The following ATXN7 variants were observed in gnomAD, a reference collection of about 807,000 sequenced individuals.
The protein encoded by ATXN7 is ataxin-7.
ATXN7 carries 12 observed loss-of-function variants against 70.5 expected under a neutral mutation model. The observed-to-expected ratio is 0.17, with a 90% confidence interval of 0.11 to 0.28. ATXN7 has a LOEUF of 0.28. Ranked by LOEUF, ATXN7 falls within the 10% of genes least tolerant of loss-of-function variation. The pLI, the probability that ATXN7 is intolerant of heterozygous loss-of-function variation, is 1.00. For missense variants in ATXN7, 1,256 were observed against 1,131.7 expected (o/e 1.11, Z -1.58); for synonymous variants, 498 against 448.7 (o/e 1.11, Z -1.39).
At chr3:63,968,228 G>A in intron 5 of ATXN7, 3 of 430,020 alleles carry the variant, frequency 7.0e-6, no homozygotes. Flanking sequence ...CGCAGCCACA[G>A]GGATTAGCTG....
At chr3:63,941,573 T>C (rs1012396768) in intron 4 of ATXN7, among the ~76,000 whole-genome samples, 17 of 152,158 alleles carry the variant, frequency 1.1e-4, no homozygotes, top group African/African-American at 1.9e-4. Flanking sequence ...GCCAGAAAGG[T>C]TGGGGACTGC....
chr3:63,871,955 C>A (rs1170574458), intron 1 of ATXN7, among the ~76,000 whole-genome samples: 1 of 151,718 alleles, frequency 6.6e-6, no homozygotes, highest in Non-Finnish European at 1.5e-5. Flanking sequence ...ATTCAACTCA[C>A]CTTTATTTGC....
rs139423433 is a variant in ATXN7, at chr3:63,952,654, A to G, written c.499+171A>G. ...ACTATCAGATGTTGGGTATTTTTAA[A>G]TTTTTATTAAAAGTGATAGGAATTT... On this transcript the variant is annotated intron_variant, in intron 5 of 12. Transcript: ENST00000674280. 3.3e-3 allele frequency among the ~76,000 whole-genome samples: 506 copies of G among 152,220 alleles called. 2 individuals are homozygous for G. Among genetic ancestry groups the G allele is most frequent in the African/African-American group, 0.011 (456 of 41,538 alleles).
intron 4 of ATXN7, among the ~76,000 whole-genome samples, chr3:63,947,173 G>T (rs754245757): frequency 1.3e-5 from 2 of 152,206 alleles, no homozygotes; most frequent in African/African-American, 4.8e-5. Flanking sequence ...CAAACATTGA[G>T]TGAGCACTTC....
At chr3:63,939,559 T>G (rs2074720493) in intron 4 of ATXN7, among the ~76,000 whole-genome samples, 1 of 152,204 alleles carries the variant, frequency 6.6e-6, no homozygotes, top group African/African-American at 2.4e-5. Context: ...TGCTCTGCCA[T>G]AAAAGCAATA....
At chr3:63,993,896 T>C (rs908463617) in intron 11 of ATXN7, among the ~76,000 whole-genome samples, 4 of 152,184 alleles carry the variant, frequency 2.6e-5, no homozygotes, top group African/African-American at 9.6e-5. Context: ...AGGGGCCTTG[T>C]TGCCATGCAG....
At chr3:63,931,951 G>A (rs996590713) in intron 4 of ATXN7, among the ~76,000 whole-genome samples, 16 of 152,210 alleles carry the variant, frequency 1.1e-4, no homozygotes, top group Non-Finnish European at 1.8e-4. Flanking sequence ...TGAGCAATGG[G>A]AGGTCCTTGC....
intron 11 of ATXN7, among the ~76,000 whole-genome samples, chr3:63,991,695 G>A (rs2075674147): frequency 1.3e-5 from 2 of 152,104 alleles, no homozygotes; most frequent in Admixed American, 1.3e-4. Flanking sequence ...TTAGGTAGAG[G>A]AGCCATGTGC....
intron 8 of ATXN7, among the ~76,000 whole-genome samples, chr3:63,987,449 A>G (rs2075596044): frequency 6.6e-6 from 1 of 151,922 alleles, no homozygotes; most frequent in South Asian, 2.1e-4. Context: ...TGTTCATAGC[A>G]TTTCTTCTCA....
At chr3:63,899,472 A>T (rs909518703) in intron 2 of ATXN7, among the ~76,000 whole-genome samples, 2 of 152,044 alleles carry the variant, frequency 1.3e-5, no homozygotes, top group Non-Finnish European at 2.9e-5. Flanking sequence ...AGGAATTTTG[A>T]TTTAAAAAAA....
In ATXN7 at chr3:64,001,982, T is replaced by A. The variant is rs1406321883; in HGVS notation, c.*2515T>A. 3 of 149,682 alleles carry A rather than the reference T, an allele frequency of 2.0e-5. No homozygotes were observed. The highest frequency in any genetic ancestry group is 7.4e-5 in the African/African-American group (3 of 40,350). 9.3% of individuals were successfully genotyped at this position (149,682 alleles called of 1,614,324 possible). ...CTTTCCAATAGAATTTCATGACAAC[T>A]CCTGCAGTTTTCTTAACCTACAAAA... On this transcript the variant is annotated 3_prime_UTR_variant, in exon 13 of 13. Transcript: ENST00000674280.
At chr3:63,870,581 T>G (rs1702564086) in intron 1 of ATXN7, among the ~76,000 whole-genome samples, 1 of 152,228 alleles carries the variant, frequency 6.6e-6, no homozygotes, top group African/African-American at 2.4e-5. Context: ...CCAATTAATT[T>G]TATTTATTGT....
chr3:63,986,725 G>C, intron 8 of ATXN7, among the ~76,000 whole-genome samples: 1 of 152,162 alleles, frequency 6.6e-6, no homozygotes, highest in East Asian at 1.9e-4. Context: ...ATTTGTCTGT[G>C]CCAGGTTAGA....
chr3:63,879,883 A>T (rs1702856552), intron 1 of ATXN7, among the ~76,000 whole-genome samples: 1 of 151,950 alleles, frequency 6.6e-6, no homozygotes, highest in Admixed American at 6.6e-5. Context: ...GGAGATCAAG[A>T]CCATCCTGGA....
chr3:63,906,378 TG>T (rs1291923910), intron 2 of ATXN7, among the ~76,000 whole-genome samples: 1 of 152,206 alleles, frequency 6.6e-6, no homozygotes, highest in Non-Finnish European at 1.5e-5. Flanking sequence ...ACACCTGCAT[TG>T]TTCGTCCTAG....
intron 11 of ATXN7, among the ~76,000 whole-genome samples, chr3:63,994,605 A>G (rs942596357): frequency 2.0e-5 from 3 of 152,232 alleles, no homozygotes; most frequent in Non-Finnish European, 2.9e-5. Flanking sequence ...AGTAGTCTTT[A>G]AAAGCATCTG....
chr3:63,999,833 G>C lies in ATXN7; in HGVS notation c.*366G>C, dbSNP rs1189351878. On this transcript the variant is annotated 3_prime_UTR_variant, in exon 13 of 13. Transcript: ENST00000674280. ...GATTGGCTGGGCAAAAGAATGTTTT[G>C]GCAAGAGCGTTACTGTAGACCTTTC... The C allele has an allele frequency of 3.9e-5, 16 of 406,150 alleles. No homozygotes were observed. The highest frequency in any genetic ancestry group is 6.3e-5 in the Non-Finnish European group (14 of 220,630). The allele number at this position is 406,150 out of a possible 1,614,324, so 25.2% of individuals were successfully genotyped here.
Position 63,921,315 on chromosome 3 carries a change from G to A in ATXN7, c.394+8090G>A, listed in dbSNP as rs562899573. The stretch of plus-strand genomic sequence containing the variant: ...TTCCATAATCCTGAACTCCAGTCAT[G>A]CAACAGAAAAAAAGGTAATGCTTTT... On this transcript the variant is annotated intron_variant, in intron 4 of 12. Transcript: ENST00000674280. Among the ~76,000 whole-genome samples the A allele has an allele frequency of 3.9e-5, 6 of 152,156 alleles. No individual in the cohort carries two copies. The South Asian group carries it at 1.0e-3, about 26-fold the overall frequency.
intron 1 of ATXN7, among the ~76,000 whole-genome samples, chr3:63,891,948 A>G (rs188517382): frequency 2.6e-4 from 40 of 152,286 alleles, no homozygotes; most frequent in African/African-American, 9.6e-4. Flanking sequence ...CACTGCCCTT[A>G]CTGTCAGTCA....
Sources: allele counts gnomAD v4.1 joint callset (sites outside exome capture counted in the v4.1 genomes callset), GRCh38; gene constraint gnomAD v4.1.1; transcripts MANE v1.5; gene names NCBI Gene and HGNC (gene_info 2026-07-23, HGNC 2026-07-21).